Variants in COX11 observed in about 807,000 individuals in gnomAD.
The protein encoded by COX11 is cytochrome c oxidase assembly protein COX11, mitochondrial.
Under a neutral mutation model 29.4 loss-of-function variants are expected in COX11, and 18 were observed. The ratio of observed to expected loss-of-function variants is 0.61; its 90% CI spans 0.42 to 0.91. COX11 has a LOEUF of 0.91. COX11 is among the 40% of genes least tolerant of loss of function. The pLI is 0.00. For synonymous variants in COX11, 131 were observed against 124.0 expected (o/e 1.06, Z -0.38); for missense variants, 312 against 346.0 (o/e 0.90, Z 0.78).
rs1037345679 is a variant in COX11 at position 54,963,406 on chromosome 17, G to A, written c.548C>T (p.Ala183Val). The A allele has an allele frequency of 6.2e-6, 10 of 1,611,356 alleles. No homozygotes were observed. The highest frequency in any genetic ancestry group is 2.2e-5 in the East Asian group (1 of 44,766). The change falls in exon 3 of 4, where the codon GCG becomes GTG. Residue 183 changes from alanine to valine, a missense_variant. Ala to Val is a moderately conservative substitution (Grantham distance 64, BLOSUM62 0). Transcript: ENST00000299335. The part of the protein sequence containing the change: ...IYVVPGETAL[A>V]FYRAKNPTDK... ...AGTAGGATTCTTAGCTCTGTAAAAC[G>A]CCAGTGCAGTCTCTCCTGGCACCAC... is the stretch of plus-strand genomic sequence containing the variant.
chr17:54,956,088 C>A (rs1318447052), downstream of COX11, among the ~76,000 whole-genome samples: 1 of 152,052 alleles, frequency 6.6e-6, no homozygotes, highest in Non-Finnish European at 1.5e-5. Context: ...ACTTGTTACC[C>A]CTAAAAAAAC....
rs1354790278 is a variant in COX11 at position 54,961,642 on chromosome 17, T to C, written c.*1091A>G. 4 of 1,104,106 alleles carry C rather than the reference T, an allele frequency of 3.6e-6. No individual in the cohort carries two copies. The African/African-American group carries it at 6.6e-5, about 18-fold the overall frequency. 68.4% of individuals were successfully genotyped at this position (1,104,106 alleles called of 1,614,324 possible). On this transcript the variant is annotated 3_prime_UTR_variant, in exon 4 of 4. Coordinates refer to ENST00000299335, the MANE Select transcript of COX11 (RefSeq NM_004375.5). ...ATAAAATGTGAGAAACTGAATGTAT[T>C]ATTCAGGAAGAATACTGAGTGCCTT...
chr17:54,964,689 T>C lies in COX11; in HGVS notation c.522+8A>G. On this transcript the variant is annotated splice_region_variant and intron_variant, in intron 2 of 3. Transcript: ENST00000299335. ...AAGTAATCTTTTAATGACTGGTTAGTCACTTACATATATTTCTGTTTGCTG... is the reference window on the plus strand; with the variant it reads ...AAGTAATCTTTTAATGACTGGTTAGCCACTTACATATATTTCTGTTTGCTG... 1 of 1,612,400 alleles carries C rather than the reference T, an allele frequency of 6.2e-7. No individual in the cohort carries two copies. Among genetic ancestry groups the C allele is most frequent in the Non-Finnish European group, 8.5e-7 (1 of 1,178,722 alleles).
In COX11 at chr17:54,962,785, G is replaced by A. The variant is rs1322024080; in HGVS notation, c.779C>T (p.Thr260Ile). 2 of 1,612,936 alleles carry A rather than the reference G, an allele frequency of 1.2e-6. No individual in the cohort carries two copies. The highest frequency in any genetic ancestry group is 1.7e-6 in the Non-Finnish European group (2 of 1,179,254). The change falls in exon 4 of 4, where the codon ACT becomes ATT. Residue 260 changes from threonine to isoleucine, a missense_variant. Transcript: ENST00000299335. Reference sequence around the variant, plus strand: ...GTGCCCTTCCTTTGCTTCAAAAAAAGTGTAAGAAAGAGTGATAAGATCAAC... The same window carrying A: ...GTGCCCTTCCTTTGCTTCAAAAAAAATGTAAGAAAGAGTGATAAGATCAAC... ...IKVDLITLSY[T>I]FFEAKEGHKL...
At chr17:54,965,868 C>G (rs1156318428) in intron 1 of COX11, among the ~76,000 whole-genome samples, 1 of 151,650 alleles carries the variant, frequency 6.6e-6, no homozygotes, top group Admixed American at 6.6e-5. Flanking sequence ...CCAAGGTCAT[C>G]TTTCTTCTGA....
At position 54,962,344 on chromosome 17, in the gene COX11, T is replaced by A; in HGVS notation, c.*389A>T. 2 of 989,534 alleles carry A rather than the reference T, an allele frequency of 2.0e-6. No homozygotes were observed. Among genetic ancestry groups the A allele is most frequent in the Non-Finnish European group, 2.4e-6 (2 of 833,024 alleles). 61.3% of individuals were successfully genotyped at this position (989,534 alleles called of 1,614,324 possible). ...TGGTTAGAAGTTCTGGCCTATGACT[T>A]GAAACAAATAACCCTGAGCATACAT... On this transcript the variant is annotated 3_prime_UTR_variant, in exon 4 of 4. Transcript: ENST00000299335.
downstream of COX11, among the ~76,000 whole-genome samples, chr17:54,959,854 C>T (rs1374568004): frequency 2.0e-5 from 3 of 151,950 alleles, no homozygotes; most frequent in East Asian, 1.9e-4. Flanking sequence ...TGGACTCAAG[C>T]GATCCACCCA....
chr17:54,968,684 G>C (rs532122781), upstream of COX11: 2 of 1,584,564 alleles, frequency 1.3e-6, no homozygotes, highest in Middle Eastern at 1.7e-4. Flanking sequence ...TCTCAGGGAC[G>C]AGAGGTCAAA....
At chr17:54,968,174 G>C (rs1024809726) in intron 1 of COX11, 107 bp downstream of exon 1, 8 of 1,498,698 alleles carry the variant, frequency 5.3e-6, no homozygotes, top group South Asian at 1.3e-5. Context: ...GATAATATCG[G>C]AAACCTCTTC....
At chr17:54,953,826 T>C (rs2049355917) in exon 1 of COX11, 1 of 152,210 alleles carries the variant, frequency 6.6e-6, no homozygotes, top group Non-Finnish European at 1.5e-5. Flanking sequence ...TTTAGAGTTT[T>C]CTCTGAATAT....
intron 1 of COX11, among the ~76,000 whole-genome samples, chr17:54,967,091 G>C (rs547033878): frequency 6.6e-6 from 1 of 151,244 alleles, no homozygotes; most frequent in East Asian, 1.9e-4. Context: ...GTGAACTCCA[G>C]CTAAGAATAC....
intron 1 of COX11, among the ~76,000 whole-genome samples, chr17:54,967,579 C>G (rs2077265264): frequency 6.6e-6 from 1 of 152,030 alleles, no homozygotes; most frequent in Admixed American, 6.6e-5. Context: ...TCCCACTCCC[C>G]TTCTTCTCCC....
At chr17:54,954,809 A>G (rs2049411547) in exon 1 of COX11, 1 of 152,216 alleles carries the variant, frequency 6.6e-6, no homozygotes, top group South Asian at 2.1e-4. Flanking sequence ...TCTGCAAGGC[A>G]GGGTTTTGAT....
At chr17:54,965,750 G>C (rs976432838) in intron 1 of COX11, among the ~76,000 whole-genome samples, 2 of 151,638 alleles carry the variant, frequency 1.3e-5, no homozygotes, top group Non-Finnish European at 2.9e-5. Context: ...AGAATTGCTT[G>C]AACCCGGGAG....
rs771542285 is a variant in COX11, at chr17:54,960,516, G to A, written c.*2217C>T. ...GTGCTGGCAGTTAAAAACCAAAATA[G>A]CACTTTGAAATTGATACATAACCCT... On this transcript the variant is annotated 3_prime_UTR_variant, in exon 4 of 4. Coordinates refer to ENST00000299335, the MANE Select transcript of COX11 (RefSeq NM_004375.5). 4 of 1,479,012 alleles carry A rather than the reference G, an allele frequency of 2.7e-6. No individual in the cohort carries two copies. Among genetic ancestry groups the A allele is most frequent in the South Asian group, 2.3e-5 (2 of 88,152 alleles). The allele number at this position is 1,479,012 out of a possible 1,614,324, so 91.6% of individuals were successfully genotyped here.
downstream of COX11, among the ~76,000 whole-genome samples, chr17:54,958,763 C>G (rs1385514803): frequency 1.5e-5 from 2 of 130,556 alleles, no homozygotes; most frequent in African/African-American, 2.7e-5. Context: ...TTGTTGGTAG[C>G]TAGAGGATAC....
rs764873662 is a variant in COX11, at chr17:54,968,362, G to A, written c.285C>T (p.Thr95=). Reference sequence around the variant, plus strand: ...CGGCGACAGCGGCCACGTAAGTGAGGGTCGTCTTGTTCTGCCGCCGCCGCT... The same window carrying A: ...CGGCGACAGCGGCCACGTAAGTGAGAGTCGTCTTGTTCTGCCGCCGCCGCT... The part of the protein sequence containing the change: ...EEERRRQNKT[T]LTYVAAVAVG... The change falls in exon 1 of 4, where the codon ACC becomes ACT. Residue 95 remains threonine, a synonymous_variant. Coordinates refer to ENST00000299335, the MANE Select transcript of COX11 (RefSeq NM_004375.5). 2 of 1,613,002 alleles carry A rather than the reference G, an allele frequency of 1.2e-6. No individual in the cohort carries two copies. The highest frequency in any genetic ancestry group is 2.2e-5 in the East Asian group (1 of 44,816).
chr17:54,967,042 G>GCGCACACACACGCGCGCACA (rs1310473186), intron 1 of COX11, among the ~76,000 whole-genome samples: 2 of 96,040 alleles, frequency 2.1e-5, no homozygotes, highest in South Asian at 3.1e-4. Flanking sequence ...GCGCGCGCGC[G>GCGCACACACACGCGCGCACA]CACACACACA....
intron 1 of COX11, among the ~76,000 whole-genome samples, chr17:54,967,040 G>GCACACACACACACACA (rs1491115527): frequency 2.6e-5 from 1 of 38,448 alleles, no homozygotes; most frequent in African/African-American, 5.4e-5. Flanking sequence ...GTGCGCGCGC[G>GCACACACACACACACA]CGCACACACA....
Sources: allele counts gnomAD v4.1 joint callset (sites outside exome capture counted in the v4.1 genomes callset), GRCh38; gene constraint gnomAD v4.1.1; transcripts MANE v1.5; gene names NCBI Gene and HGNC (gene_info 2026-07-23, HGNC 2026-07-21).